Variants in SLC39A10 observed in about 807,000 individuals in gnomAD.
SLC39A10 encodes solute carrier family 39 member 10, also known as zinc transporter ZIP10.
In SLC39A10, 13 loss-of-function variants were observed where a neutral mutation model predicts 65.1. The observed-to-expected ratio is 0.20, with a 90% CI of 0.13 to 0.32. SLC39A10 has a LOEUF of 0.32. SLC39A10 is among the 10% of genes least tolerant of loss of function. The pLI is 1.00. For synonymous variants in SLC39A10, 321 were observed against 342.2 expected (o/e 0.94, Z 0.68); for missense variants, 831 against 1,018.4 (o/e 0.82, Z 2.50).
chr2:195,640,538 G>A (rs1688794543), intron 2 of SLC39A10, among the ~76,000 whole-genome samples: 1 of 152,038 alleles, frequency 6.6e-6, no homozygotes, highest in South Asian at 2.1e-4. Context: ...ATTATAATGT[G>A]AGTATGCCAG....
chr2:195,712,116 C>T (rs1164560971), intron 5 of SLC39A10, among the ~76,000 whole-genome samples: 1 of 152,228 alleles, frequency 6.6e-6, no homozygotes, highest in African/African-American at 2.4e-5. Context: ...ATGTATAGGG[C>T]TGGAAAGTCC....
Position 195,680,770 on chromosome 2 carries a change from A to C in SLC39A10, c.728A>C (p.Asn243Thr). 6.2e-7 allele frequency: 1 copy of C among 1,614,152 alleles called. No individual in the cohort carries two copies. The highest frequency in any genetic ancestry group is 8.5e-7 in the Non-Finnish European group (1 of 1,180,002). ...AAAAAAGGGAGGAAAAGTAATGAAA[A>C]TTCTGAGGTTATTACACCAGGTTTT... is the stretch of plus-strand genomic sequence containing the variant. Reference protein sequence around the residue: ...RKKKGRKSNENSEVITPGFPP... With the variant: ...RKKKGRKSNETSEVITPGFPP... Residue 243 changes from asparagine to threonine, a missense_variant, in exon 2 of 10, where the codon AAT (asparagine) becomes ACT (threonine). Asn to Thr is a moderately conservative substitution (Grantham distance 65). Transcript: ENST00000359634.
At chr2:195,712,435 T>G (rs958957943) in intron 5 of SLC39A10, among the ~76,000 whole-genome samples, 2 of 152,254 alleles carry the variant, frequency 1.3e-5, no homozygotes, top group Admixed American at 1.3e-4. Context: ...GATTACCTTA[T>G]GCTCTACTAG....
At chr2:195,656,276 G>C (rs543792802), upstream of SLC39A10, among the ~76,000 whole-genome samples, 2 of 152,276 alleles carry the variant, frequency 1.3e-5, no homozygotes, top group Admixed American at 6.5e-5. Context: ...GCAAAAATAA[G>C]ACGTCCAGAG....
chr2:195,698,264 T>C (rs902273582), intron 3 of SLC39A10, among the ~76,000 whole-genome samples: 10 of 152,152 alleles, frequency 6.6e-5, no homozygotes, highest in African/African-American at 2.4e-4. Flanking sequence ...TAAGATCAAG[T>C]GCAAACAGAT....
At position 195,737,365 on chromosome 2, in the gene SLC39A10, T is replaced by TATCA. The variant is rs10642583; in HGVS notation, c.*2341_*2344dup. 69,650 of 152,382 alleles carry TATCA rather than the reference T, an allele frequency of 0.46. 16,963 individuals are homozygous for TATCA. The highest frequency in any genetic ancestry group is 0.57 in the Non-Finnish European group (38,791 of 68,480). The allele number at this position is 152,382 out of a possible 1,614,324, so 9.4% of individuals were successfully genotyped here. ...TGACATCCATATGAATTTTGGTATA[T>TATCA]ATCAATCAATCAATCAATCACATTG... On this transcript the variant is annotated 3_prime_UTR_variant, in exon 10 of 10. Transcript: ENST00000359634.
rs1316393097 is a variant in SLC39A10 at position 195,737,210 on chromosome 2, A to AAGTCTT, written c.*2171_*2176dup. 1 of 152,606 alleles carries AAGTCTT rather than the reference A, an allele frequency of 6.6e-6. No individual in the cohort carries two copies. The highest frequency in any genetic ancestry group is 1.5e-5 in the Non-Finnish European group (1 of 68,032). 9.5% of individuals were successfully genotyped at this position (152,606 alleles called of 1,614,324 possible). ...CCACATCATTCTAATGTATAGTTTCAAGTCTTAATAGACAATCTGAATTCC... is the reference window on the plus strand; with the variant it reads ...CCACATCATTCTAATGTATAGTTTCAAGTCTTAGTCTTAATAGACAATCTGAATTCC... On this transcript the variant is annotated 3_prime_UTR_variant, in exon 10 of 10. Transcript: ENST00000359634.
At chr2:195,708,580 ATAAT>A in intron 4 of SLC39A10, 72 bp from the exon 5 acceptor site, 1 of 1,112,996 alleles carries the variant, frequency 9.0e-7, no homozygotes, top group East Asian at 2.7e-5. Flanking sequence ...TTAGGAGATT[ATAAT>A]TATTATAATT....
intron 8 of SLC39A10, among the ~76,000 whole-genome samples, chr2:195,727,860 A>T (rs1692302046): frequency 6.6e-6 from 1 of 152,092 alleles, no homozygotes; most frequent in African/African-American, 2.4e-5. Context: ...TTAGAGTCGC[A>T]GCTCTCCACC....
chr2:195,706,804 GT>G lies in SLC39A10; in HGVS notation c.1386+24del, dbSNP rs755043186. ...GCCCCATGTAAGAAATGTTTTTAAT[GT>G]TTTTAAAAATTTAAAATAAAAATAT... On this transcript the variant is annotated intron_variant, in intron 4 of 9. Coordinates refer to ENST00000359634, the MANE Select transcript of SLC39A10 (RefSeq NM_020342.3). The G allele has an allele frequency of 2.8e-6, 4 of 1,447,418 alleles. No homozygotes were observed. In the East Asian group the frequency reaches 1.0e-4, roughly 38 times the overall value. The allele number at this position is 1,447,418 out of a possible 1,614,324, so 89.7% of individuals were successfully genotyped here.
At chr2:195,662,227 T>A (rs900528047) in intron 1 of SLC39A10, among the ~76,000 whole-genome samples, 1 of 152,124 alleles carries the variant, frequency 6.6e-6, no homozygotes. Flanking sequence ...TCAGTCACTT[T>A]TAGTGTAGTA....
intron 1 of SLC39A10, among the ~76,000 whole-genome samples, chr2:195,667,093 TTC>T (rs371735501): frequency 2.6e-5 from 4 of 152,372 alleles, no homozygotes; most frequent in Middle Eastern, 3.4e-3. Context: ...AATGTTTATA[TTC>T]TCTCTCAAGT....
At chr2:195,626,633 G>C (rs1040187166) in intron 2 of SLC39A10, among the ~76,000 whole-genome samples, 1 of 152,082 alleles carries the variant, frequency 6.6e-6, no homozygotes, top group Non-Finnish European at 1.5e-5. Flanking sequence ...ATGTAGAAAT[G>C]AAAGTAGAAG....
intron 2 of SLC39A10, among the ~76,000 whole-genome samples, chr2:195,631,702 C>T (rs1195275094): frequency 6.6e-6 from 1 of 152,016 alleles, no homozygotes; most frequent in Non-Finnish European, 1.5e-5. Context: ...AAAGACAAAG[C>T]AACTAGATTA....
intron 2 of SLC39A10, among the ~76,000 whole-genome samples, 200 bp from the exon 3 acceptor site, chr2:195,683,499 C>A (rs1423646934): frequency 6.6e-6 from 1 of 151,868 alleles, no homozygotes; most frequent in Non-Finnish European, 1.5e-5. Context: ...TTATTAAAGT[C>A]CATGAAAAGT....
At chr2:195,631,732 A>G (rs758300404) in intron 2 of SLC39A10, among the ~76,000 whole-genome samples, 1 of 152,174 alleles carries the variant, frequency 6.6e-6, no homozygotes, top group Non-Finnish European at 1.5e-5. Flanking sequence ...TGTAGGGTGA[A>G]AATTTTCAGT....
intron 3 of SLC39A10, among the ~76,000 whole-genome samples, chr2:195,701,499 G>GTTTTTTTTTTTTTTTTTT (rs1691193896): frequency 1.4e-5 from 1 of 73,946 alleles, no homozygotes; most frequent in South Asian, 4.1e-4. Context: ...ATGCCTTTTG[G>GTTTTTTTTTTTTTTTTTT]TTTTATGAAA....
chr2:195,678,681 G>A (rs966838092), intron 1 of SLC39A10, among the ~76,000 whole-genome samples: 3 of 150,652 alleles, frequency 2.0e-5, no homozygotes, highest in African/African-American at 7.3e-5. Flanking sequence ...AAATCTTCAA[G>A]ATCTGCGCTT....
intron 3 of SLC39A10, among the ~76,000 whole-genome samples, chr2:195,687,987 T>A (rs1289698327): frequency 2.6e-5 from 4 of 152,212 alleles, no homozygotes; most frequent in Non-Finnish European, 5.9e-5. Flanking sequence ...AGATGAGCGC[T>A]TCTTTTTAAA....
Sources: allele counts gnomAD v4.1 joint callset (sites outside exome capture counted in the v4.1 genomes callset), GRCh38; gene constraint gnomAD v4.1.1; transcripts MANE v1.5; gene names NCBI Gene and HGNC (gene_info 2026-07-23, HGNC 2026-07-21).